Variants in KLHL25 observed in about 807,000 individuals in gnomAD.
KLHL25 encodes the protein kelch like family member 25.
KLHL25 carries 41 observed loss-of-function variants against 30.0 expected under a neutral mutation model. The ratio of observed to expected loss-of-function variants is 1.37; its 90% CI spans 1.07 to 1.78. KLHL25 has a LOEUF of 1.78. KLHL25 is among the 40% of genes most tolerant of loss of function. KLHL25 has a pLI of 0.00. For synonymous variants in KLHL25, 399 were observed against 355.3 expected, an observed-to-expected ratio of 1.12 and a Z score of -1.38; for missense variants, 971 against 824.5, an observed-to-expected ratio of 1.18 and a Z score of -2.18.
At position 85,787,679 on chromosome 15, in the gene KLHL25, A is replaced by G. The variant is rs137996176; in HGVS notation, c.-11+7087T>C. ...CCTTAGGACACAATGAGAGGAAATG[A>G]TGGTTTGGCTGCAGTGTGGAATATG... is the stretch of plus-strand genomic sequence containing the variant. On this transcript the variant is annotated intron_variant, in intron 1 of 2. Transcript: ENST00000337975. 7.6e-3 allele frequency among the ~76,000 whole-genome samples: 1,154 copies of G among 152,330 alleles called. 15 individuals are homozygous for G. Among genetic ancestry groups the G allele is most frequent in the African/African-American group, 0.026 (1,062 of 41,566 alleles).
intron 2 of KLHL25, among the ~76,000 whole-genome samples, chr15:85,767,202 G>A (rs1290477393): frequency 6.6e-6 from 1 of 152,058 alleles, no homozygotes; most frequent in East Asian, 1.9e-4. Flanking sequence ...TGTTAGCCAG[G>A]ATGGTCTCGA....
chr15:85,771,034 C>G (rs2089667817), intron 1 of KLHL25: 1 of 197,898 alleles, frequency 5.1e-6, no homozygotes, highest in African/African-American at 2.4e-5. Flanking sequence ...CCACAGCTAC[C>G]TGCCCCACTG....
rs1447544293 is a variant in KLHL25, at chr15:85,761,004, G to A, written c.*32C>T. On this transcript the variant is annotated 3_prime_UTR_variant, in exon 3 of 3. Transcript: ENST00000337975. Reference sequence around the variant, plus strand: ...GCAAGGCCACGCTGTGACACTGAAGGCCGCGGTCTGTGGAGGGAGGAGAGG... The same window carrying A: ...GCAAGGCCACGCTGTGACACTGAAGACCGCGGTCTGTGGAGGGAGGAGAGG... 1 of 152,442 alleles carries A rather than the reference G, an allele frequency of 6.6e-6. No individual in the cohort carries two copies. Among genetic ancestry groups the A allele is most frequent in the Non-Finnish European group, 1.5e-5 (1 of 68,174 alleles). The allele number at this position is 152,442 out of a possible 1,614,324, so 9.4% of individuals were successfully genotyped here.
intron 2 of KLHL25, among the ~76,000 whole-genome samples, chr15:85,766,818 C>T (rs943157546): frequency 6.6e-6 from 1 of 152,204 alleles, no homozygotes; most frequent in African/African-American, 2.4e-5. Context: ...CTGCCGGCTT[C>T]GAGGAAGGAC....
intron 2 of KLHL25, among the ~76,000 whole-genome samples, chr15:85,767,535 T>C (rs2089632967): frequency 1.3e-5 from 2 of 152,228 alleles, no homozygotes; most frequent in East Asian, 3.8e-4. Context: ...TCTTAATCTG[T>C]ATCTTTCCCC....
intron 2 of KLHL25, among the ~76,000 whole-genome samples, chr15:85,766,995 T>C (rs1347328719): frequency 3.2e-5 from 1 of 31,126 alleles, no homozygotes; most frequent in Non-Finnish European, 7.9e-5. Context: ...TTGGCGATCA[T>C]TTTTTTTTTT....
In KLHL25 at chr15:85,769,778, C is replaced by T. The variant is rs375084785; in HGVS notation, c.33G>A (p.Ser11=). Residue 11 remains serine (S), a synonymous_variant, in exon 2 of 3, where the codon TCG becomes TCA. Transcript: ENST00000337975. The part of the protein sequence containing the change: MSVSVHETRK[S]RSSTGSMNVT... ...CGTTCATGGACCCCGTGCTGCTCCG[C>T]GACTTGCGGGTCTCATGGACACTGA... is the stretch of plus-strand genomic sequence containing the variant. 4.0e-5 allele frequency: 64 copies of T among 1,611,778 alleles called. No homozygotes were observed. Among genetic ancestry groups the T allele is most frequent in the South Asian group, 9.9e-5 (9 of 91,074 alleles).
Position 85,777,789 on chromosome 15 carries a change from A to G in KLHL25, c.-10-7969T>C, listed in dbSNP as rs1351509824. On this transcript the variant is annotated intron_variant, in intron 1 of 2. Transcript: ENST00000337975. ...AAGCTCTTCTTCACAAAGAAGGCAC[A>G]GAACAGGAGGTAAGGGGTCAAGGCC... Among the ~76,000 whole-genome samples, 7 of 152,230 alleles carry G rather than the reference A, an allele frequency of 4.6e-5. 1 individual carries two copies. Among genetic ancestry groups the G allele is most frequent in the Admixed American group, 4.6e-4 (7 of 15,280 alleles).
At chr15:85,784,789 A>T (rs1413265880) in intron 1 of KLHL25, among the ~76,000 whole-genome samples, 1 of 152,182 alleles carries the variant, frequency 6.6e-6, no homozygotes, top group East Asian at 1.9e-4. Context: ...AGCCCAGTAC[A>T]GCTGCACCTT....
chr15:85,783,098 TTTTA>T (rs998862052), intron 1 of KLHL25, among the ~76,000 whole-genome samples: 7 of 152,228 alleles, frequency 4.6e-5, no homozygotes, highest in East Asian at 1.9e-4. Flanking sequence ...TATTTAAACA[TTTTA>T]TTTATTATTT....
intron 2 of KLHL25, chr15:85,761,813 T>C (rs1163772770): frequency 6.6e-6 from 1 of 152,224 alleles, no homozygotes; most frequent in African/African-American, 2.4e-5. Flanking sequence ...AAGCAGTGAT[T>C]AATGGTGACG....
intron 1 of KLHL25, among the ~76,000 whole-genome samples, chr15:85,775,864 T>TAA (rs10535328): frequency 4.5e-4 from 40 of 89,042 alleles, no homozygotes; most frequent in East Asian, 8.8e-4. Flanking sequence ...ATGGCTCGTT[T>TAA]AAAAAAAAAA....
At position 85,794,780 on chromosome 15, in the gene KLHL25, CCCG is replaced by C. The variant is rs572809871; in HGVS notation, c.-28_-26del. On this transcript the variant is annotated 5_prime_UTR_variant, in exon 1 of 3. Coordinates refer to ENST00000337975, the MANE Select transcript of KLHL25 (RefSeq NM_022480.4). The stretch of plus-strand genomic sequence containing the variant: ...TGGATACTCACTGCCGGAGACGATC[CCCG>C]CCGCCGCCGCCGCCTCAGAGACCAC... 5.9e-5 allele frequency: 9 copies of C among 153,074 alleles called. No homozygotes were observed. The highest frequency in any genetic ancestry group is 3.9e-4 in the South Asian group (2 of 5,190). 9.5% of individuals were successfully genotyped at this position (153,074 alleles called of 1,614,324 possible). A position where few individuals can be genotyped will look rare whatever the true frequency, so the allele number is the denominator to read the frequency against.
chr15:85,792,242 C>G (rs2089822365), intron 1 of KLHL25, among the ~76,000 whole-genome samples: 1 of 149,722 alleles, frequency 6.7e-6, no homozygotes, highest in South Asian at 2.1e-4. Context: ...TCTCCCTCCT[C>G]CCTCCTCCCC....
rs187009633 is a variant in KLHL25 at position 85,791,054 on chromosome 15, G to A, written c.-11+3712C>T. ...GTCTCTACTAAAAATACAAAAAGCC[G>A]AGCATGGTGGCGGGTGCCTGTAATC... On this transcript the variant is annotated intron_variant, in intron 1 of 2. Coordinates refer to ENST00000337975, the MANE Select transcript of KLHL25 (RefSeq NM_022480.4). Among the ~76,000 whole-genome samples, 201 of 151,760 alleles carry A rather than the reference G, an allele frequency of 1.3e-3. 1 individual carries two copies. The highest frequency in any genetic ancestry group is 0.01 in the Middle Eastern group (3 of 294).
At chr15:85,784,705 G>T (rs1419909261) in intron 1 of KLHL25, among the ~76,000 whole-genome samples, 1 of 152,184 alleles carries the variant, frequency 6.6e-6, no homozygotes, top group Non-Finnish European at 1.5e-5. Context: ...ACTGACCTCA[G>T]TCCTACGACC....
chr15:85,792,481 G>A (rs553302603), intron 1 of KLHL25, among the ~76,000 whole-genome samples: 3 of 152,334 alleles, frequency 2.0e-5, no homozygotes, highest in African/African-American at 7.2e-5. Context: ...GGTACAGAGG[G>A]ACTAGGGGCT....
intron 1 of KLHL25, among the ~76,000 whole-genome samples, chr15:85,774,094 T>A (rs1597276212): frequency 6.6e-6 from 1 of 151,930 alleles, no homozygotes; most frequent in Non-Finnish European, 1.5e-5. Context: ...AGCCAGAGGC[T>A]CCCAGCGGCG....
chr15:85,773,274 G>A (rs2089688821), intron 1 of KLHL25, among the ~76,000 whole-genome samples: 1 of 152,146 alleles, frequency 6.6e-6, no homozygotes, highest in African/African-American at 2.4e-5. Flanking sequence ...CCATGATGAA[G>A]CCCTGAGACA....
Sources: allele counts gnomAD v4.1 joint callset (sites outside exome capture counted in the v4.1 genomes callset), GRCh38; gene constraint gnomAD v4.1.1; transcripts MANE v1.5; gene names NCBI Gene and HGNC (gene_info 2026-07-23, HGNC 2026-07-21).